RAB27B: variants seen among roughly 807,000 people sequenced by gnomAD.
RAB27B encodes the protein RAB27B, member RAS oncogene family.
In RAB27B, 15 loss-of-function variants were observed where a neutral mutation model predicts 24.6. The observed-to-expected ratio is 0.61, with a 90% CI of 0.41 to 0.94. The LOEUF is 0.94. Among genes scored for constraint, RAB27B ranks in the 40% least tolerant of loss-of-function variants. The pLI is 0.00. For synonymous variants in RAB27B, 105 were observed against 92.5 expected, an observed-to-expected ratio of 1.14 and a Z score of -0.78; for missense variants, 261 against 266.8, an observed-to-expected ratio of 0.98 and a Z score of 0.15.
chr18:54,880,575 C>G (rs1017661588), intron 3 of RAB27B: 2 of 152,124 alleles, frequency 1.3e-5, no homozygotes, highest in African/African-American at 4.8e-5. Flanking sequence ...GCTTTTTTGA[C>G]TGTGAATTCC....
At chr18:54,878,937 A>T (rs565168576) in intron 2 of RAB27B, among the ~76,000 whole-genome samples, 2 of 152,134 alleles carry the variant, frequency 1.3e-5, no homozygotes, top group Admixed American at 1.3e-4. Flanking sequence ...TTACTGTTTT[A>T]AAAAAACTGC....
intron 2 of RAB27B, among the ~76,000 whole-genome samples, chr18:54,741,799 G>A (rs1158405606): frequency 2.6e-5 from 4 of 152,158 alleles, no homozygotes; most frequent in African/African-American, 7.2e-5. Flanking sequence ...ACTGTACCTG[G>A]CCTCTAAGCT....
At position 54,873,230 on chromosome 18, in the gene RAB27B, G is replaced by A. The variant is rs529980980; in HGVS notation, c.-19-4337G>A. 5.9e-5 allele frequency among the ~76,000 whole-genome samples: 9 copies of A among 152,128 alleles called. No individual in the cohort carries two copies. The South Asian group carries it at 1.0e-3, about 18-fold the overall frequency. ...TACTTGAATTCCTTTTTACCTTTAC[G>A]ACTCTTCATTAAACAGAGCCTCATG... On this transcript the variant is annotated intron_variant, in intron 1 of 5. Transcript: ENST00000262094.
chr18:54,820,028 A>G (rs1910254354), intron 2 of RAB27B, among the ~76,000 whole-genome samples: 1 of 152,172 alleles, frequency 6.6e-6, no homozygotes, highest in African/African-American at 2.4e-5. Flanking sequence ...ATTGTTGGAC[A>G]TATGGCTTGG....
chr18:54,772,673 T>G (rs1908588055), intron 2 of RAB27B, among the ~76,000 whole-genome samples: 1 of 152,144 alleles, frequency 6.6e-6, no homozygotes, highest in African/African-American at 2.4e-5. Context: ...TATTAATTAT[T>G]TAAAAAACCC....
rs573207386 is a variant in RAB27B at position 54,891,064 on chromosome 18, T to G, written c.*1651T>G. ...ATAGATTTTTTCCAATCAAACCTAC[T>G]TTTTCCATACTCTGTGCATATTTTT... On this transcript the variant is annotated 3_prime_UTR_variant, in exon 6 of 6. Transcript: ENST00000262094. 2.6e-5 allele frequency: 4 copies of G among 151,512 alleles called. No individual in the cohort carries two copies. The highest frequency in any genetic ancestry group is 2.0e-4 in the Admixed American group (3 of 15,180). The allele number at this position is 151,512 out of a possible 1,614,324, so 9.4% of individuals were successfully genotyped here.
intron 1 of RAB27B, among the ~76,000 whole-genome samples, chr18:54,858,909 A>C (rs891042734): frequency 6.6e-6 from 1 of 152,186 alleles, no homozygotes; most frequent in African/African-American, 2.4e-5. Context: ...CGGCAAATCT[A>C]TTCTTTGTGA....
intron 2 of RAB27B, among the ~76,000 whole-genome samples, chr18:54,742,690 A>C (rs1442453363): frequency 6.6e-6 from 1 of 152,146 alleles, no homozygotes; most frequent in African/African-American, 2.4e-5. Context: ...CAGATTTTCT[A>C]TGTTTCTAGA....
In RAB27B at chr18:54,884,352, G is replaced by T. The variant is rs1913045927; in HGVS notation, c.259G>T (p.Ala87Ser). ...GQERFRSLTT[A>S]FFRDAMGFLL... ...TGGCAGGTTCCGGAGTCTCACCACTGCATTTTTCAGAGACGCCATGGGCTT... is the reference window on the plus strand; with the variant it reads ...TGGCAGGTTCCGGAGTCTCACCACTTCATTTTTCAGAGACGCCATGGGCTT... The change falls in exon 4 of 6, where the codon GCA (alanine) becomes TCA (serine). Residue 87 changes from alanine (A) to serine (S), a missense_variant. Physicochemically the swap from Ala to Ser is moderately conservative, Grantham distance 99. Transcript: ENST00000262094. 1 of 1,611,848 alleles carries T rather than the reference G, an allele frequency of 6.2e-7. No homozygotes were observed. Among genetic ancestry groups the T allele is most frequent in the Non-Finnish European group, 8.5e-7 (1 of 1,178,298 alleles).
chr18:54,779,445 C>T (rs780542425), intron 2 of RAB27B, among the ~76,000 whole-genome samples: 17 of 152,086 alleles, frequency 1.1e-4, no homozygotes, highest in East Asian at 1.9e-4. Flanking sequence ...TCCAGAGACT[C>T]GGAGGGAGTT....
intron 1 of RAB27B, among the ~76,000 whole-genome samples, chr18:54,829,500 A>G (rs1307590368): frequency 6.6e-6 from 1 of 152,240 alleles, no homozygotes; most frequent in Non-Finnish European, 1.5e-5. Context: ...ACATCATTAA[A>G]TTAAGCCCAA....
At chr18:54,831,399 G>A (rs544502344) in intron 1 of RAB27B, among the ~76,000 whole-genome samples, 9 of 152,212 alleles carry the variant, frequency 5.9e-5, no homozygotes, top group Non-Finnish European at 1.3e-4. Flanking sequence ...AATGGGGACA[G>A]GTCTTGGAGG....
At chr18:54,779,936 C>T (rs1285418404) in intron 2 of RAB27B, among the ~76,000 whole-genome samples, 13 of 151,406 alleles carry the variant, frequency 8.6e-5, no homozygotes, top group Non-Finnish European at 1.6e-4. Context: ...GCTTCTCCCT[C>T]ACCATGTCCC....
intron 2 of RAB27B, among the ~76,000 whole-genome samples, chr18:54,820,115 A>T (rs1387438557): frequency 6.6e-6 from 1 of 152,142 alleles, no homozygotes; most frequent in Admixed American, 6.5e-5. Context: ...CACGATTTAT[A>T]ATCCTTTGGG....
intron 2 of RAB27B, among the ~76,000 whole-genome samples, chr18:54,752,362 G>C (rs925740134): frequency 3.9e-5 from 6 of 152,162 alleles, no homozygotes; most frequent in African/African-American, 1.4e-4. Flanking sequence ...AAGATTATGA[G>C]TTAATTGCTC....
chr18:54,868,080 C>T (rs1190751645), intron 1 of RAB27B, among the ~76,000 whole-genome samples: 1 of 152,048 alleles, frequency 6.6e-6, no homozygotes, highest in East Asian at 1.9e-4. Flanking sequence ...TTGGTGCTGT[C>T]TTTGTGACAG....
intron 1 of RAB27B, among the ~76,000 whole-genome samples, chr18:54,850,333 GATATATATATATATAT>G (rs35735191): frequency 3.2e-5 from 3 of 95,174 alleles, no homozygotes; most frequent in East Asian, 2.9e-4. Flanking sequence ...AAACAAACAG[GATATATATATATATAT>G]ATATATATAT....
intron 2 of RAB27B, among the ~76,000 whole-genome samples, chr18:54,804,904 C>CTTTCTTTCTTTCTTTCTT (rs1555658013): frequency 6.3e-5 from 3 of 47,970 alleles, no homozygotes; most frequent in African/African-American, 1.5e-4. Context: ...CTTTCTCTCT[C>CTTTCTTTCTTTCTTTCTT]TCTTTCTTTC....
At chr18:54,756,433 C>T (rs894644199) in intron 2 of RAB27B, among the ~76,000 whole-genome samples, 11 of 152,086 alleles carry the variant, frequency 7.2e-5, no homozygotes, top group Non-Finnish European at 1.5e-4. Context: ...TTCTTCCTGC[C>T]CCTAAAATAC....
Sources: gnomAD v4.1 joint callset for allele counts (sites outside exome capture counted in the v4.1 genomes callset) on GRCh38, gnomAD v4.1.1 for gene constraint, MANE v1.5 for transcripts, NCBI Gene and HGNC (gene_info 2026-07-23, HGNC 2026-07-21) for gene names.